Variants in ADAM7 observed in about 807,000 individuals in gnomAD.
ADAM7 encodes the protein disintegrin and metalloproteinase domain-containing protein 7.
A neutral mutation model predicts 102.9 loss-of-function variants in ADAM7; 97 were observed. That is an observed-to-expected ratio of 0.94 (90% CI 0.80 to 1.12). ADAM7 has a LOEUF of 1.12. Among genes scored for constraint, ADAM7 ranks in the 50% most tolerant of loss-of-function variants. ADAM7 has a pLI of 0.00. For synonymous variants in ADAM7, 334 were observed against 304.4 expected (o/e 1.10, Z -1.01); for missense variants, 991 against 908.7 (o/e 1.09, Z -1.16).
chr8:24,491,191 G>C (rs1820336805), intron 13 of ADAM7, among the ~76,000 whole-genome samples: 1 of 152,176 alleles, frequency 6.6e-6, no homozygotes, highest in African/African-American at 2.4e-5. Context: ...TAGGAGGATA[G>C]TTGAAATCCC....
At chr8:24,470,641 G>A (rs1187456131) in intron 7 of ADAM7, among the ~76,000 whole-genome samples, 1 of 152,132 alleles carries the variant, frequency 6.6e-6, no homozygotes, top group Non-Finnish European at 1.5e-5. Context: ...ATAGCCTAGT[G>A]ACATCGTAGC....
chr8:24,462,928 G>T lies in ADAM7; in HGVS notation c.234-954G>T, dbSNP rs560670398. Reference sequence around the variant, plus strand: ...CAAATTGGGCATGTTTTCTATTAATGTATACCCCTTAATCTAAGAGTAATG... The same window carrying T: ...CAAATTGGGCATGTTTTCTATTAATTTATACCCCTTAATCTAAGAGTAATG... On this transcript the variant is annotated intron_variant, in intron 3 of 21. Coordinates refer to ENST00000175238, the MANE Select transcript of ADAM7 (RefSeq NM_003817.4). Among the ~76,000 whole-genome samples, 30 of 152,172 alleles carry T rather than the reference G, an allele frequency of 2.0e-4. No homozygotes were observed. In the South Asian group the frequency reaches 6.2e-3, roughly 32 times the overall value.
chr8:24,489,847 G>T (rs1671360436), intron 12 of ADAM7, among the ~76,000 whole-genome samples: 1 of 152,162 alleles, frequency 6.6e-6, no homozygotes, highest in Non-Finnish European at 1.5e-5. Flanking sequence ...AATTTTTAAA[G>T]TAATTCTTAA....
In ADAM7 at chr8:24,489,249, A is replaced by C. The variant is rs761228742; in HGVS notation, c.1182A>C (p.Pro394=). ...AGCCAACATGCATGCTCAACATTCCATTTCCTTACAATTTTCATGATTTCC... is the reference window on the plus strand; with the variant it reads ...AGCCAACATGCATGCTCAACATTCCCTTTCCTTACAATTTTCATGATTTCC... ...DYKPTCMLNI[P]FPYNFHDFQF... The change falls in exon 12 of 22, where the codon CCA becomes CCC. Residue 394 remains proline (P), a synonymous_variant. Coordinates refer to ENST00000175238, the MANE Select transcript of ADAM7 (RefSeq NM_003817.4). 6 of 1,613,692 alleles carry C rather than the reference A, an allele frequency of 3.7e-6. No homozygotes were observed. The East Asian group carries it at 1.3e-4, about 36-fold the overall frequency.
chr8:24,451,953 A>T (rs1382878454), intron 3 of ADAM7, among the ~76,000 whole-genome samples: 1 of 150,622 alleles, frequency 6.6e-6, no homozygotes, highest in African/African-American at 2.4e-5. Flanking sequence ...CATGTAGTTG[A>T]GCGGTTTTGA....
rs543216242 is a variant in ADAM7 at position 24,504,970 on chromosome 8, A to AT, written c.2209-2502dup. ...AGAATGGACAAAATAACAACGTGTG[A>AT]TTTTTTTTAAGTTTACACTGAGATT... On this transcript the variant is annotated intron_variant, in intron 20 of 21. Coordinates refer to ENST00000175238, the MANE Select transcript of ADAM7 (RefSeq NM_003817.4). 9.6e-3 allele frequency among the ~76,000 whole-genome samples: 1,467 copies of AT among 152,120 alleles called. 20 individuals carry two copies. Among genetic ancestry groups the AT allele is most frequent in the Non-Finnish European group, 0.014 (949 of 67,986 alleles).
At chr8:24,441,261 T>C (rs1818364691) in intron 1 of ADAM7, 101 bp downstream of exon 1, 3 of 1,211,692 alleles carry the variant, frequency 2.5e-6, no homozygotes, top group Non-Finnish European at 3.6e-6. Context: ...CATTAAACGT[T>C]GATGATTTTT....
chr8:24,459,232 G>T (rs1819151918), intron 3 of ADAM7, among the ~76,000 whole-genome samples: 1 of 151,592 alleles, frequency 6.6e-6, no homozygotes, highest in Admixed American at 6.6e-5. Context: ...TCATGCATCA[G>T]TTTTAAATTA....
At chr8:24,473,331 T>G (rs1819667088) in intron 7 of ADAM7, among the ~76,000 whole-genome samples, 1 of 152,142 alleles carries the variant, frequency 6.6e-6, no homozygotes, top group African/African-American at 2.4e-5. Flanking sequence ...AGTAATCTAT[T>G]GTGTCCAATG....
chr8:24,454,340 A>T (rs1818918744), intron 3 of ADAM7, among the ~76,000 whole-genome samples: 1 of 152,202 alleles, frequency 6.6e-6, no homozygotes. Flanking sequence ...TGTTTACCTA[A>T]GCAAGCCTGG....
chr8:24,482,644 G>A (rs953755808), intron 9 of ADAM7, among the ~76,000 whole-genome samples: 3 of 152,072 alleles, frequency 2.0e-5, no homozygotes, highest in South Asian at 2.1e-4. Flanking sequence ...AGCTACTTGG[G>A]AAGCTGAGGC....
chr8:24,495,381 A>G (rs1820518730), intron 16 of ADAM7, among the ~76,000 whole-genome samples: 1 of 151,826 alleles, frequency 6.6e-6, no homozygotes, highest in African/African-American at 2.4e-5. Context: ...ACAATTATGC[A>G]CACGCTTGAA....
At chr8:24,468,852 T>A (rs1819515324) in intron 7 of ADAM7, 32 bp downstream of exon 7, 6 of 1,579,632 alleles carry the variant, frequency 3.8e-6, no homozygotes, top group Non-Finnish European at 5.2e-6. Context: ...TCTCTCTTTA[T>A]TCTTCCTTTT....
chr8:24,481,649 G>C (rs568057222), intron 8 of ADAM7, among the ~76,000 whole-genome samples: 1 of 152,122 alleles, frequency 6.6e-6, no homozygotes, highest in African/African-American at 2.4e-5. Context: ...ACATTTCTCA[G>C]ATTAAATAAA....
Position 24,502,159 on chromosome 8 carries a change from G to C in ADAM7, c.2208+583G>C, listed in dbSNP as rs536203402. ...AATTCTCAGTTGAAAATTAGATAAT[G>C]AATTCTAAGGAACTCAACTTTCAAA... On this transcript the variant is annotated intron_variant, in intron 20 of 21. Coordinates refer to ENST00000175238, the MANE Select transcript of ADAM7 (RefSeq NM_003817.4). 2.0e-4 allele frequency among the ~76,000 whole-genome samples: 31 copies of C among 152,250 alleles called. 1 individual carries two copies. In the South Asian group the frequency reaches 4.1e-3, roughly 20 times the overall value.
At chr8:24,474,192 A>G (rs980164250) in intron 7 of ADAM7, among the ~76,000 whole-genome samples, 1 of 152,154 alleles carries the variant, frequency 6.6e-6, no homozygotes. Context: ...AGATAGAAGA[A>G]ACTATAATTA....
rs774898970 is a variant in ADAM7, at chr8:24,487,333, T to C, written c.1091+16T>C. On this transcript the variant is annotated intron_variant, in intron 11 of 21. Coordinates refer to ENST00000175238, the MANE Select transcript of ADAM7 (RefSeq NM_003817.4). ...GTGATGGAAGGTGAGATTCGAACAA[T>C]GTACAGAATACACTTACATAATTCA... 4 of 1,612,344 alleles carry C rather than the reference T, an allele frequency of 2.5e-6. No homozygotes were observed. The highest frequency in any genetic ancestry group is 1.7e-5 in the Admixed American group (1 of 59,940).
intron 2 of ADAM7, among the ~76,000 whole-genome samples, chr8:24,444,842 A>C (rs1818494231): frequency 6.6e-6 from 1 of 152,124 alleles, no homozygotes; most frequent in African/African-American, 2.4e-5. Context: ...AACTATAATT[A>C]ATAGTAGTTT....
Position 24,509,564 on chromosome 8 carries a change from A to AG in ADAM7, c.*1018_*1019insG. ...AATAAAGGCTACAAAAGAAGGAAGA[A>AG]AGGCTGTTGTCCTTGTTGACATTGT... On this transcript the variant is annotated 3_prime_UTR_variant, in exon 22 of 22. Coordinates refer to ENST00000175238, the MANE Select transcript of ADAM7 (RefSeq NM_003817.4). The AG allele has an allele frequency of 2.0e-6, 2 of 984,522 alleles. No homozygotes were observed. Among genetic ancestry groups the AG allele is most frequent in the Non-Finnish European group, 2.4e-6 (2 of 829,112 alleles). 61.0% of individuals were successfully genotyped at this position (984,522 alleles called of 1,614,324 possible). A position where few individuals can be genotyped will look rare whatever the true frequency, so the allele number is the denominator to read the frequency against.
Sources: allele counts gnomAD v4.1 joint callset (sites outside exome capture counted in the v4.1 genomes callset), GRCh38; gene constraint gnomAD v4.1.1; transcripts MANE v1.5; gene names NCBI Gene and HGNC (gene_info 2026-07-23, HGNC 2026-07-21).